KITLG: variants seen among roughly 807,000 people sequenced by gnomAD.
The protein encoded by KITLG is KIT ligand.
Under a neutral mutation model 34.1 loss-of-function variants are expected in KITLG, and 13 were observed. The ratio of observed to expected loss-of-function variants is 0.38; its 90% CI spans 0.25 to 0.61. The LOEUF is 0.61. KITLG is among the 20% of genes least tolerant of loss of function. The pLI is 0.60. For missense variants in KITLG, 292 were observed against 318.9 expected, an observed-to-expected ratio of 0.92 and a Z score of 0.64; for synonymous variants, 110 against 104.0, an observed-to-expected ratio of 1.06 and a Z score of -0.35.
intron 9 of KITLG, among the ~76,000 whole-genome samples, chr12:88,497,816 T>C (rs1340329706): frequency 6.6e-6 from 1 of 152,166 alleles, no homozygotes; most frequent in Non-Finnish European, 1.5e-5. Context: ...GCCGCTCTAG[T>C]ATCTTGACTA....
intron 1 of KITLG, among the ~76,000 whole-genome samples, chr12:88,566,940 G>T (rs1427946181): frequency 6.6e-6 from 1 of 152,148 alleles, no homozygotes; most frequent in Non-Finnish European, 1.5e-5. Context: ...TTTAGGACAT[G>T]GATCTCCTGC....
chr12:88,498,226 C>A (rs557956550), intron 9 of KITLG, among the ~76,000 whole-genome samples: 74 of 152,254 alleles, frequency 4.9e-4, no homozygotes, highest in African/African-American at 1.7e-3. Flanking sequence ...ATCAACCCAG[C>A]ATCACAGATC....
chr12:88,562,393 A>C (rs769095933), intron 1 of KITLG, among the ~76,000 whole-genome samples: 1 of 152,234 alleles, frequency 6.6e-6, no homozygotes, highest in Non-Finnish European at 1.5e-5. Flanking sequence ...CAACATCGCC[A>C]ACCAGTTTTG....
intron 9 of KITLG, among the ~76,000 whole-genome samples, chr12:88,503,617 G>A (rs978718985): frequency 6.6e-6 from 1 of 152,176 alleles, no homozygotes; most frequent in Non-Finnish European, 1.5e-5. Context: ...ATGCAGCTGT[G>A]GGTCTTCCCG....
Position 88,535,629 on chromosome 12 carries a change from AC to A in KITLG, c.130-3127del, listed in dbSNP as rs377008365. On this transcript the variant is annotated intron_variant, in intron 2 of 9. Coordinates refer to ENST00000644744, the MANE Select transcript of KITLG (RefSeq NM_000899.5). ...TCCTTCTAATTACATTTGGAAGAGAACTTAGAAAGTCAAGTTGTAGATATTT... is the reference window on the plus strand; with the variant it reads ...TCCTTCTAATTACATTTGGAAGAGAATTAGAAAGTCAAGTTGTAGATATTT... Among the ~76,000 whole-genome samples, 143 of 152,290 alleles carry A rather than the reference AC, an allele frequency of 9.4e-4. 2 individuals carry two copies. Among genetic ancestry groups the A allele is most frequent in the African/African-American group, 3.3e-3 (138 of 41,560 alleles).
intron 1 of KITLG, among the ~76,000 whole-genome samples, chr12:88,550,043 T>A (rs1870842061): frequency 6.6e-6 from 1 of 152,176 alleles, no homozygotes; most frequent in Non-Finnish European, 1.5e-5. Context: ...CTGGTAATAT[T>A]AACAAGAGCA....
At chr12:88,556,178 A>AT (rs1043660648) in intron 1 of KITLG, among the ~76,000 whole-genome samples, 6 of 144,226 alleles carry the variant, frequency 4.2e-5, no homozygotes, top group Admixed American at 2.9e-4. Context: ...GAATTCTGTG[A>AT]TTTTTTTACT....
chr12:88,561,124 C>T (rs933563485), intron 1 of KITLG, among the ~76,000 whole-genome samples: 4 of 152,022 alleles, frequency 2.6e-5, no homozygotes, highest in Admixed American at 2.6e-4. Flanking sequence ...TCCTTATGGC[C>T]GTTGGAAAGT....
intron 6 of KITLG, among the ~76,000 whole-genome samples, chr12:88,510,926 T>C (rs1051492827): frequency 2.6e-5 from 4 of 152,216 alleles, no homozygotes; most frequent in African/African-American, 7.2e-5. Context: ...TTGTATACTG[T>C]ACTATGAGTA....
At chr12:88,504,061 G>A (rs1244610177) in intron 9 of KITLG, among the ~76,000 whole-genome samples, 1 of 151,850 alleles carries the variant, frequency 6.6e-6, no homozygotes, top group Non-Finnish European at 1.5e-5. Context: ...TATTTCCCTT[G>A]TCTAATTAAT....
intron 2 of KITLG, 147 bp downstream of exon 2, chr12:88,545,605 A>G: frequency 1.6e-6 from 1 of 606,084 alleles, no homozygotes; most frequent in South Asian, 2.0e-5. Context: ...CTTTCTATAA[A>G]CCCTTTATTG....
intron 2 of KITLG, among the ~76,000 whole-genome samples, chr12:88,537,735 CA>C (rs1870380594): frequency 6.6e-6 from 1 of 151,936 alleles, no homozygotes; most frequent in African/African-American, 2.4e-5. Flanking sequence ...AGGAAATATT[CA>C]ACCCCGTAGT....
chr12:88,558,313 C>G (rs1483571845), intron 1 of KITLG, among the ~76,000 whole-genome samples: 5 of 152,042 alleles, frequency 3.3e-5, no homozygotes, highest in South Asian at 2.1e-4. Flanking sequence ...AAGTTCCCCC[C>G]ACCCCTCACG....
At chr12:88,546,522 C>T (rs536126047) in intron 1 of KITLG, among the ~76,000 whole-genome samples, 1 of 152,306 alleles carries the variant, frequency 6.6e-6, no homozygotes, top group Non-Finnish European at 1.5e-5. Context: ...ATAACCTACA[C>T]ATCGGCTTGA....
At chr12:88,527,758 T>C (rs2120868805) in intron 3 of KITLG, among the ~76,000 whole-genome samples, 1 of 152,316 alleles carries the variant, frequency 6.6e-6, no homozygotes, top group South Asian at 2.1e-4. Flanking sequence ...TCTGTGTGCC[T>C]CTGGATGTGG....
chr12:88,526,353 G>A (rs940504946), intron 3 of KITLG, among the ~76,000 whole-genome samples: 1 of 152,172 alleles, frequency 6.6e-6, no homozygotes, highest in Non-Finnish European at 1.5e-5. Flanking sequence ...TTGCAGTGCA[G>A]ATACTGTGTG....
At chr12:88,536,109 T>C (rs570637932) in intron 2 of KITLG, among the ~76,000 whole-genome samples, 6 of 152,036 alleles carry the variant, frequency 3.9e-5, no homozygotes, top group Non-Finnish European at 7.4e-5. Context: ...ACAGAGTAAA[T>C]AGACAACCTA....
chr12:88,531,350 A>C (rs557816297), intron 3 of KITLG, among the ~76,000 whole-genome samples: 1 of 152,310 alleles, frequency 6.6e-6, no homozygotes, highest in Admixed American at 6.5e-5. Context: ...GGGATTAATG[A>C]AGACAGAGAA....
intron 2 of KITLG, among the ~76,000 whole-genome samples, chr12:88,536,948 G>A (rs762988259): frequency 9.2e-5 from 14 of 151,966 alleles, no homozygotes; most frequent in Non-Finnish European, 1.3e-4. Flanking sequence ...CAAACTGCAC[G>A]TTCTGCACTT....
Sources: allele counts gnomAD v4.1 joint callset (sites outside exome capture counted in the v4.1 genomes callset), GRCh38; gene constraint gnomAD v4.1.1; transcripts MANE v1.5; gene names NCBI Gene and HGNC (gene_info 2026-07-23, HGNC 2026-07-21).